Variants in FN1 observed in about 807,000 individuals in gnomAD.
The protein encoded by FN1 is fibronectin 1, also known as fibronectin.
Under a neutral mutation model 297.3 loss-of-function variants are expected in FN1, and 106 were observed. The ratio of observed to expected loss-of-function variants is 0.36; its 90% CI spans 0.30 to 0.42. The LOEUF (loss-of-function observed/expected upper bound fraction) is 0.42. FN1 is among the 10% of genes least tolerant of loss of function. The probability of loss-of-function intolerance (pLI) is 1.00; values close to 1 mark genes in which losing one functional copy is unlikely to be tolerated. For synonymous variants in FN1, 1,149 were observed against 1,152.6 expected, an observed-to-expected ratio of 1.00 and a Z score of 0.06; for missense variants, 2,690 against 3,124.9, an observed-to-expected ratio of 0.86 and a Z score of 3.32.
Position 215,380,793 on chromosome 2 carries a change from GTGC to G in FN1, c.5434+15_5434+17del. ...CCGCTGCTCCCATGGGCACCTGGTG[GTGC>G]AATTAACCATATACCTGTGGACTGG... On this transcript the variant is annotated intron_variant, in intron 33 of 45. Transcript: ENST00000354785. 1 of 1,612,350 alleles carries G rather than the reference GTGC, an allele frequency of 6.2e-7. No individual in the cohort carries two copies. The highest frequency in any genetic ancestry group is 8.5e-7 in the Non-Finnish European group (1 of 1,179,848).
chr2:215,383,921 A>G, intron 30 of FN1, 99 bp downstream of exon 30: 1 of 1,394,670 alleles, frequency 7.2e-7, no homozygotes, highest in Non-Finnish European at 1.0e-6. Flanking sequence ...ATTAAAAAGG[A>G]AAATCTATTC....
Position 215,388,307 on chromosome 2 carries a change from G to C in FN1, c.4253-6C>G. ...TTCTGTACCAGGCAGGAGATCTGTA[G>C]GGGCAAATGGGGCTTATTTTAAAAC... On this transcript the variant is annotated splice_polypyrimidine_tract_variant and splice_region_variant and intron_variant, in intron 26 of 45. Coordinates refer to ENST00000354785, the MANE Select transcript of FN1 (RefSeq NM_212482.4). The C allele has an allele frequency of 6.3e-7, 1 of 1,599,076 alleles. No homozygotes were observed. Among genetic ancestry groups the C allele is most frequent in the Non-Finnish European group, 8.6e-7 (1 of 1,166,542 alleles).
intron 17 of FN1, 127 bp downstream of exon 17, chr2:215,407,979 CAA>C (rs2062015140): frequency 6.6e-6 from 4 of 609,190 alleles, no homozygotes; most frequent in African/African-American, 4.4e-5. Context: ...CACACACACA[CAA>C]ACCCCTCTCC....
rs750159964 is a variant in FN1 at position 215,397,774 on chromosome 2, G to A, written c.3423C>T (p.Ser1141=). ...CGTATTCTACTCCTGGAGTCAAGCC[G>A]GACACAACGATGCTTCCTGAGTCTG... is the stretch of plus-strand genomic sequence containing the variant. The part of the protein sequence containing the change: ...VTSDSGSIVV[S]GLTPGVEYVY... Residue 1141 remains serine (S), a synonymous_variant, in exon 22 of 46, where the codon TCC becomes TCT. Transcript: ENST00000354785. 13 of 1,613,962 alleles carry A rather than the reference G, an allele frequency of 8.1e-6. No homozygotes were observed. Among genetic ancestry groups the A allele is most frequent in the East Asian group, 2.2e-5 (1 of 44,876 alleles).
In FN1 at chr2:215,394,585, C is replaced by T. The variant is rs1388722701; in HGVS notation, c.3739G>A (p.Val1247Ile). ...TCCTTGTCATCCTTGACAGTGTAAA[C>T]ACTGACATTGTACTCCAGGCCGGGA... ...LSPGLEYNVS[V>I]YTVKDDKESV... Residue 1247 changes from valine to isoleucine, a missense_variant, in exon 24 of 46, where the codon GTT (valine) becomes ATT (isoleucine). Val to Ile is a conservative substitution (Grantham distance 29, BLOSUM62 3). Coordinates refer to ENST00000354785, the MANE Select transcript of FN1 (RefSeq NM_212482.4). The T allele has an allele frequency of 9.3e-6, 15 of 1,613,972 alleles. No individual in the cohort carries two copies. Among genetic ancestry groups the T allele is most frequent in the Non-Finnish European group, 1.3e-5 (15 of 1,179,988 alleles).
At position 215,420,849 on chromosome 2, in the gene FN1, T is replaced by A. The variant is rs1458892450; in HGVS notation, c.1547-48A>T. ...AGTGAGAAACTTTTTAAAGTTCCAT[T>A]GATGAAAGAAAAAAGGTATGCTTCT... On this transcript the variant is annotated intron_variant, in intron 10 of 45. Transcript: ENST00000354785. 2.5e-6 allele frequency: 4 copies of A among 1,593,312 alleles called. No individual in the cohort carries two copies. In the Admixed American group the frequency reaches 6.7e-5, roughly 27 times the overall value.
At chr2:215,410,192 ATCT>A in intron 13 of FN1, 78 bp from the exon 14 acceptor site, 1 of 1,439,896 alleles carries the variant, frequency 6.9e-7, no homozygotes, top group East Asian at 2.5e-5. Flanking sequence ...ATGTTCAGTA[ATCT>A]TCAAAGAAAA....
In FN1 at chr2:215,388,256, T is replaced by C. The variant is rs1183344346; in HGVS notation, c.4298A>G (p.Tyr1433Cys). The change falls in exon 27 of 46, where the codon TAC becomes TGC. Residue 1433 changes from tyrosine (Y) to cysteine (C), a missense_variant. Physicochemically the swap from Tyr to Cys is radical, Grantham distance 194. This residue lies in a region of FN1 where 1,743 missense variants were observed against 1,945.2 expected (regional missense o/e 0.90). Transcript: ENST00000354785. ...TEYVVSVSSV[Y>C]EQHESTPLRG... Reference sequence around the variant, plus strand: ...AAGAGGTGTGCTCTCATGTTGTTCGTAGACACTGGAGACACTCACTACATA... The same window carrying C: ...AAGAGGTGTGCTCTCATGTTGTTCGCAGACACTGGAGACACTCACTACATA... 25 of 1,613,962 alleles carry C rather than the reference T, an allele frequency of 1.5e-5. No homozygotes were observed. The highest frequency in any genetic ancestry group is 2.1e-5 in the Non-Finnish European group (25 of 1,179,960).
chr2:215,372,193 C>G lies in FN1; in HGVS notation c.6430G>C (p.Glu2144Gln). Residue 2144 changes from glutamate (E) to glutamine (Q), a missense_variant, in exon 40 of 46, where the codon GAG becomes CAG. Around this residue, in one of 3 missense-constraint regions of FN1, gnomAD observed 1,743 missense variants for 1,945.2 expected, o/e 0.90. Coordinates refer to ENST00000354785, the MANE Select transcript of FN1 (RefSeq NM_212482.4). ...QPSVGQQMIF[E>Q]EHGFRRTTPP... ...GTGGTCCGCCTAAAACCATGTTCCT[C>G]AAAGATCATTTGTTGCCCAACACTG... 1 of 1,614,226 alleles carries G rather than the reference C, an allele frequency of 6.2e-7. No individual in the cohort carries two copies. Among genetic ancestry groups the G allele is most frequent in the Non-Finnish European group, 8.5e-7 (1 of 1,180,042 alleles).
intron 10 of FN1, 84 bp downstream of exon 10, chr2:215,422,007 G>T: frequency 7.9e-7 from 1 of 1,266,376 alleles, no homozygotes; most frequent in Non-Finnish European, 1.2e-6. Flanking sequence ...CCTGCTTTTG[G>T]CATAGTGCAA....
At chr2:215,398,933 C>T (rs1390284687) in intron 21 of FN1, among the ~76,000 whole-genome samples, 1 of 152,204 alleles carries the variant, frequency 6.6e-6, no homozygotes, top group African/African-American at 2.4e-5. Flanking sequence ...AACAACACAT[C>T]AAATAAAGTT....
At chr2:215,389,403 T>G (rs181326883) in intron 26 of FN1, among the ~76,000 whole-genome samples, 78 of 151,448 alleles carry the variant, frequency 5.2e-4, no homozygotes, top group Middle Eastern at 6.8e-3. Flanking sequence ...GTGCCCAGCT[T>G]CTTCTTCCAT....
rs201226523 is a variant in FN1 at position 215,397,145 on chromosome 2, G to C, written c.3596C>G (p.Thr1199Ser). ...GVLTVSWERS[T>S]TPDITGYRIT... ...ATCCATCCCAAACTTACCTGGGGTG[G>C]TGCTCCTCTCCCAGGAGACTGTGAG... Residue 1199 changes from threonine (T) to serine (S), a missense_variant, in exon 23 of 46, where the codon ACC (threonine) becomes AGC (serine). Around this residue, in one of 3 missense-constraint regions of FN1, gnomAD observed 1,743 missense variants for 1,945.2 expected, o/e 0.90. Transcript: ENST00000354785. The C allele has an allele frequency of 5.4e-5, 87 of 1,612,224 alleles. No individual in the cohort carries two copies. The highest frequency in any genetic ancestry group is 7.1e-5 in the Non-Finnish European group (84 of 1,178,396).
chr2:215,382,369 C>G, intron 31 of FN1, 44 bp from the exon 32 acceptor site: 1 of 1,252,800 alleles, frequency 8.0e-7, no homozygotes, highest in South Asian at 1.2e-5. Context: ...ACGTCATCCA[C>G]TATAAAGTCC....
chr2:215,375,253 G>A lies in FN1; in HGVS notation c.6118C>T (p.Pro2040Ser), dbSNP rs2057061371. The A allele has an allele frequency of 6.2e-7, 1 of 1,614,090 alleles. No individual in the cohort carries two copies. Among genetic ancestry groups the A allele is most frequent in the Non-Finnish European group, 8.5e-7 (1 of 1,179,998 alleles). Residue 2040 changes from proline to serine, a missense_variant, in exon 38 of 46, where the codon CCT becomes TCT. Pro to Ser is a moderately conservative substitution (Grantham distance 74). This residue lies in a region of FN1 where 1,743 missense variants were observed against 1,945.2 expected (regional missense o/e 0.90). Transcript: ENST00000354785. ...KPGSPPREVV[P>S]RPRPGVTEAT... ...TCTGTGACACCAGGGCGGGGCCGAG[G>A]GACCACTTCTCTGGGAGGAGACCCA...
chr2:215,418,975 G>C (rs1227084236), intron 12 of FN1, among the ~76,000 whole-genome samples: 1 of 152,162 alleles, frequency 6.6e-6, no homozygotes, highest in Non-Finnish European at 1.5e-5. Context: ...ATTAGCCAGA[G>C]TGTCTTAACC....
intron 19 of FN1, among the ~76,000 whole-genome samples, chr2:215,404,962 T>C (rs1050591704): frequency 6.6e-5 from 10 of 152,180 alleles, no homozygotes; most frequent in Non-Finnish European, 1.5e-4. Flanking sequence ...ATGGTATTTT[T>C]AAAAAGGCAA....
intron 20 of FN1, among the ~76,000 whole-genome samples, chr2:215,401,061 G>A (rs1250256): frequency 0.58 from 85,650 of 146,632 alleles, 25,538 homozygotes; most frequent in East Asian, 0.93. Context: ...CTCCCAAAGT[G>A]CTGGAATTAC....
chr2:215,430,376 A>C (rs2066287363), intron 5 of FN1, among the ~76,000 whole-genome samples: 1 of 152,220 alleles, frequency 6.6e-6, no homozygotes, highest in Admixed American at 6.5e-5. Flanking sequence ...AAATCATTTT[A>C]ATTTATGGGA....
Sources: allele counts gnomAD v4.1 joint callset (sites outside exome capture counted in the v4.1 genomes callset), GRCh38; gene constraint gnomAD v4.1.1; regional missense constraint gnomAD v4.1.1; transcripts MANE v1.5; gene names NCBI Gene and HGNC (gene_info 2026-07-23, HGNC 2026-07-21).